The following TSHZ2 variants were observed in gnomAD, a reference collection of about 807,000 sequenced individuals.
TSHZ2 encodes the protein teashirt homolog 2.
TSHZ2 carries 21 observed loss-of-function variants against 74.4 expected under a neutral mutation model. That is an observed-to-expected ratio of 0.28 (90% CI 0.20 to 0.41). The LOEUF (loss-of-function observed/expected upper bound fraction) is 0.41. TSHZ2 is among the 10% of genes least tolerant of loss of function. The pLI is 1.00. For synonymous variants in TSHZ2, 540 were observed against 515.3 expected (o/e 1.05, Z -0.65); for missense variants, 1,244 against 1,293.5 (o/e 0.96, Z 0.59).
intron 2 of TSHZ2, among the ~76,000 whole-genome samples, chr20:53,338,717 TAAATGTCAGGAGTACTCAGCTCC>T (rs1298816163): frequency 0.024 from 3,634 of 151,174 alleles, 234 homozygotes; most frequent in African/African-American, 0.084. Context: ...TACTCAGCTC[TAAATGTCAGGAGTACTCAGCTCC>T]AAATGTCAGG....
chr20:53,444,718 G>A (rs1004101416), intron 2 of TSHZ2, among the ~76,000 whole-genome samples: 1 of 152,210 alleles, frequency 6.6e-6, no homozygotes, highest in African/African-American at 2.4e-5. Flanking sequence ...GTGTCCACAA[G>A]CCCTGTAACC....
chr20:53,467,783 C>T (rs1985605052), intron 2 of TSHZ2, among the ~76,000 whole-genome samples: 1 of 152,144 alleles, frequency 6.6e-6, no homozygotes. Context: ...TCTGAGCTTC[C>T]TGGTAGTGAA....
intron 1 of TSHZ2, among the ~76,000 whole-genome samples, chr20:53,180,051 T>A (rs549899935): frequency 1.3e-5 from 2 of 152,216 alleles, no homozygotes; most frequent in African/African-American, 4.8e-5. Context: ...ATTTATAGAA[T>A]GTCGAACCAT....
intron 1 of TSHZ2, among the ~76,000 whole-genome samples, chr20:53,131,901 A>C (rs563290006): frequency 1.3e-3 from 197 of 146,238 alleles, no homozygotes; most frequent in Non-Finnish European, 2.2e-3. Context: ...TGCTCTGTAA[A>C]ATTGAAGAGT....
intron 2 of TSHZ2, among the ~76,000 whole-genome samples, chr20:53,385,840 A>G (rs902911569): frequency 6.6e-6 from 1 of 152,176 alleles, no homozygotes; most frequent in Non-Finnish European, 1.5e-5. Flanking sequence ...ATCTGAAAAG[A>G]AAGCTGGAGA....
intron 1 of TSHZ2, among the ~76,000 whole-genome samples, chr20:53,056,301 T>C (rs1984637564): frequency 6.6e-6 from 1 of 152,220 alleles, no homozygotes; most frequent in Non-Finnish European, 1.5e-5. Context: ...TGTTTCTGGT[T>C]GTGCAAACTG....
At chr20:53,325,669 G>GTTGTTTGTTTGTTTGTTTGT (rs11474480) in intron 2 of TSHZ2, among the ~76,000 whole-genome samples, 3 of 151,620 alleles carry the variant, frequency 2.0e-5, no homozygotes, top group South Asian at 2.1e-4. Flanking sequence ...TGCTTTGTTT[G>GTTGTTTGTTTGTTTGTTTGT]TTGTTTGTTT....
At chr20:53,355,752 A>T (rs1174000189) in intron 2 of TSHZ2, among the ~76,000 whole-genome samples, 1 of 151,688 alleles carries the variant, frequency 6.6e-6, no homozygotes, top group Non-Finnish European at 1.5e-5. Flanking sequence ...ATTTTATGAC[A>T]TGCAAATTCT....
At chr20:53,452,832 G>C (rs1984855026) in intron 2 of TSHZ2, among the ~76,000 whole-genome samples, 1 of 152,202 alleles carries the variant, frequency 6.6e-6, no homozygotes, top group African/African-American at 2.4e-5. Context: ...TGTTGTTTGT[G>C]TTTTTCTCAA....
At chr20:53,022,896 A>G (rs573153587) in intron 1 of TSHZ2, among the ~76,000 whole-genome samples, 1 of 152,336 alleles carries the variant, frequency 6.6e-6, no homozygotes, top group Non-Finnish European at 1.5e-5. Flanking sequence ...TGGAATAATT[A>G]CATGAATAGG....
chr20:53,237,051 T>C (rs920506730), intron 1 of TSHZ2, among the ~76,000 whole-genome samples: 3 of 152,318 alleles, frequency 2.0e-5, no homozygotes, highest in Non-Finnish European at 1.5e-5. Context: ...AAGCCTAAGA[T>C]TCCTCATCTT....
chr20:53,469,044 T>C (rs1281405678), intron 2 of TSHZ2, among the ~76,000 whole-genome samples: 1 of 79,032 alleles, frequency 1.3e-5, no homozygotes, highest in Non-Finnish European at 2.3e-5. Context: ...AAATCGATAT[T>C]TTATATATAT....
At chr20:53,096,079 G>A (rs1986034745) in intron 1 of TSHZ2, among the ~76,000 whole-genome samples, 1 of 152,120 alleles carries the variant, frequency 6.6e-6, no homozygotes, top group Non-Finnish European at 1.5e-5. Context: ...AGGATCCTAG[G>A]GTCAGGAAGT....
chr20:53,422,517 G>A (rs1568910619), intron 2 of TSHZ2, among the ~76,000 whole-genome samples: 2 of 152,042 alleles, frequency 1.3e-5, no homozygotes, highest in African/African-American at 4.8e-5. Context: ...GAAGAGAGTT[G>A]AAAAAAATCT....
chr20:53,345,916 G>T (rs1449465145), intron 2 of TSHZ2, among the ~76,000 whole-genome samples: 1 of 152,110 alleles, frequency 6.6e-6, no homozygotes, highest in Admixed American at 6.5e-5. Context: ...GGGCCATGGC[G>T]CTGGCAAGAG....
chr20:53,400,638 ACT>A (rs1307511518), intron 2 of TSHZ2, among the ~76,000 whole-genome samples: 3 of 152,082 alleles, frequency 2.0e-5, no homozygotes, highest in Non-Finnish European at 2.9e-5. Context: ...TCTTGATTGT[ACT>A]CTCTACTGCC....
chr20:53,333,174 T>C (rs1257338158), intron 2 of TSHZ2, among the ~76,000 whole-genome samples: 1 of 152,266 alleles, frequency 6.6e-6, no homozygotes, highest in African/African-American at 2.4e-5. Context: ...ATTCTCATTA[T>C]TTTGTTGATT....
At chr20:53,402,409 T>C (rs1982701846) in intron 2 of TSHZ2, among the ~76,000 whole-genome samples, 2 of 152,204 alleles carry the variant, frequency 1.3e-5, no homozygotes, top group African/African-American at 2.4e-5. Context: ...CAGGCCCATG[T>C]TGTACATACT....
At chr20:52,990,607 T>C (rs991578368) in intron 1 of TSHZ2, among the ~76,000 whole-genome samples, 2 of 152,130 alleles carry the variant, frequency 1.3e-5, no homozygotes, top group East Asian at 1.9e-4. Context: ...GTTACAGGTG[T>C]GTGGATGGGG....
Sources: allele counts gnomAD v4.1 joint callset (sites outside exome capture counted in the v4.1 genomes callset), GRCh38; gene constraint gnomAD v4.1.1; transcripts MANE v1.5; gene names NCBI Gene and HGNC (gene_info 2026-07-23, HGNC 2026-07-21).